Variants in HOMER1 observed in about 807,000 individuals in gnomAD.
HOMER1 encodes the protein homer scaffold protein 1.
Under a neutral mutation model 48.9 loss-of-function variants are expected in HOMER1, and 3 were observed. The ratio of observed to expected loss-of-function variants is 0.06; its 90% CI spans 0.03 to 0.16. The LOEUF (loss-of-function observed/expected upper bound fraction) is 0.16. Among genes scored for constraint, HOMER1 ranks in the 10% least tolerant of loss-of-function variants. The pLI is 1.00. For missense variants in HOMER1, 247 were observed against 411.4 expected (o/e 0.60, Z 3.46); for synonymous variants, 134 against 146.4 (o/e 0.92, Z 0.61).
At chr5:79,380,514 G>A (rs535846032) in intron 8 of HOMER1, among the ~76,000 whole-genome samples, 36 of 152,322 alleles carry the variant, frequency 2.4e-4, no homozygotes, top group Middle Eastern at 3.4e-3. Flanking sequence ...CATGAGTGGC[G>A]TGCACATTTC....
intron 1 of HOMER1, among the ~76,000 whole-genome samples, chr5:79,463,979 A>AT (rs1397485589): frequency 6.6e-6 from 1 of 152,210 alleles, no homozygotes; most frequent in Non-Finnish European, 1.5e-5. Flanking sequence ...TAAAAATTAC[A>AT]TTTTTTAAAA....
chr5:79,433,148 C>T (rs572152843), intron 5 of HOMER1, among the ~76,000 whole-genome samples: 3 of 152,280 alleles, frequency 2.0e-5, no homozygotes, highest in Admixed American at 1.3e-4. Context: ...CTAAGATTTG[C>T]TTACCACCCA....
chr5:79,391,452 T>TG (rs1250666225), intron 8 of HOMER1, among the ~76,000 whole-genome samples: 12 of 148,548 alleles, frequency 8.1e-5, no homozygotes, highest in African/African-American at 2.8e-4. Context: ...TTTTTATGTA[T>TG]GAAAAAAAAA....
At position 79,436,891 on chromosome 5, in the gene HOMER1, C is replaced by A. The variant is rs147769537; in HGVS notation, c.527+2119G>T. 1.2e-3 allele frequency among the ~76,000 whole-genome samples: 187 copies of A among 152,226 alleles called. 1 individual carries two copies. The highest frequency in any genetic ancestry group is 2.9e-3 in the Admixed American group (45 of 15,296). ...GTTCAGAGAATGTCTTAAAAAAATC[C>A]TGTGAAGTATTTTTCTGTAAGAACT... On this transcript the variant is annotated intron_variant, in intron 5 of 8. Transcript: ENST00000334082.
chr5:79,385,842 CAAAAAAAA>C (rs33968519), intron 8 of HOMER1, among the ~76,000 whole-genome samples: 1 of 70,794 alleles, frequency 1.4e-5, no homozygotes, highest in African/African-American at 5.8e-5. Context: ...GACTCTGTCT[CAAAAAAAA>C]AAAAAAAAAA....
At chr5:79,493,626 G>A (rs955584172) in intron 1 of HOMER1, among the ~76,000 whole-genome samples, 7 of 151,986 alleles carry the variant, frequency 4.6e-5, no homozygotes, top group African/African-American at 1.2e-4. Flanking sequence ...CCTTTCCTTC[G>A]GTCTATGAGG....
At chr5:79,389,851 TA>T (rs1473849080) in intron 8 of HOMER1, among the ~76,000 whole-genome samples, 3 of 152,066 alleles carry the variant, frequency 2.0e-5, no homozygotes, top group East Asian at 1.9e-4. Flanking sequence ...AGATGATAGT[TA>T]AAAAATAATC....
intron 1 of HOMER1, among the ~76,000 whole-genome samples, chr5:79,506,534 T>A (rs1262778355): frequency 1.3e-5 from 2 of 152,172 alleles, no homozygotes; most frequent in African/African-American, 4.8e-5. Context: ...TTTTATAGAC[T>A]ATGGAGAGGC....
chr5:79,445,156 T>C (rs949362963), intron 4 of HOMER1, among the ~76,000 whole-genome samples: 13 of 152,242 alleles, frequency 8.5e-5, no homozygotes, highest in African/African-American at 3.1e-4. Context: ...TGGTTAGTTA[T>C]TAAATTCCAA....
chr5:79,383,301 T>C (rs1412791918), intron 8 of HOMER1, among the ~76,000 whole-genome samples: 1 of 152,030 alleles, frequency 6.6e-6, no homozygotes, highest in African/African-American at 2.4e-5. Flanking sequence ...ATTAGACAGA[T>C]CATCTAGACA....
chr5:79,383,961 CAG>C (rs1470532051), intron 8 of HOMER1, among the ~76,000 whole-genome samples: 1 of 151,800 alleles, frequency 6.6e-6, no homozygotes, highest in Non-Finnish European at 1.5e-5. Context: ...TGAAACAAAA[CAG>C]AAATACAACA....
intron 5 of HOMER1, among the ~76,000 whole-genome samples, chr5:79,433,757 T>G (rs1750489614): frequency 1.3e-5 from 2 of 152,196 alleles, no homozygotes; most frequent in African/African-American, 4.8e-5. Context: ...CTAGTCATAG[T>G]TTTAGAGTGT....
At chr5:79,483,901 A>G (rs576972050) in intron 1 of HOMER1, among the ~76,000 whole-genome samples, 3 of 151,952 alleles carry the variant, frequency 2.0e-5, no homozygotes, top group African/African-American at 7.2e-5. Flanking sequence ...CTAAAAATAC[A>G]AAATTAGCCG....
chr5:79,482,095 A>G (rs1215010200), intron 1 of HOMER1, among the ~76,000 whole-genome samples: 1 of 151,898 alleles, frequency 6.6e-6, no homozygotes, highest in Non-Finnish European at 1.5e-5. Flanking sequence ...TGGTGTGTAC[A>G]TGTAGTCCCA....
intron 2 of HOMER1, among the ~76,000 whole-genome samples, chr5:79,454,637 A>G (rs1751119706): frequency 6.6e-6 from 1 of 152,214 alleles, no homozygotes; most frequent in South Asian, 2.1e-4. Context: ...TTATTCAAGT[A>G]AATACATATT....
chr5:79,505,393 T>C (rs772279018), intron 1 of HOMER1, among the ~76,000 whole-genome samples: 6 of 152,204 alleles, frequency 3.9e-5, no homozygotes, highest in African/African-American at 1.2e-4. Flanking sequence ...GACATGCCAA[T>C]AGACATGACA....
intron 5 of HOMER1, among the ~76,000 whole-genome samples, chr5:79,423,140 A>G (rs948183197): frequency 6.6e-6 from 1 of 152,180 alleles, no homozygotes; most frequent in Non-Finnish European, 1.5e-5. Context: ...AAATGCTTAC[A>G]TCTTGCTTTC....
intron 5 of HOMER1, among the ~76,000 whole-genome samples, chr5:79,409,529 T>C (rs1749760591): frequency 6.7e-6 from 1 of 149,820 alleles, no homozygotes; most frequent in South Asian, 2.1e-4. Flanking sequence ...AAAAAACAGG[T>C]AAGGTGGACT....
intron 1 of HOMER1, among the ~76,000 whole-genome samples, chr5:79,477,367 A>G (rs1056236080): frequency 6.6e-6 from 1 of 152,182 alleles, no homozygotes; most frequent in African/African-American, 2.4e-5. Context: ...CAGATTTACC[A>G]TTTACTTCCT....
Sources: allele counts gnomAD v4.1 joint callset (sites outside exome capture counted in the v4.1 genomes callset), GRCh38; gene constraint gnomAD v4.1.1; transcripts MANE v1.5; gene names NCBI Gene and HGNC (gene_info 2026-07-23, HGNC 2026-07-21).